CFAP20DC: variants seen among roughly 807,000 people sequenced by gnomAD.
CFAP20DC encodes the protein CFAP20 domain containing, also known as protein CFAP20DC.
Under a neutral mutation model 101.7 loss-of-function variants are expected in CFAP20DC, and 84 were observed. The observed-to-expected ratio is 0.83, with a 90% CI of 0.69 to 0.99. The LOEUF (loss-of-function observed/expected upper bound fraction) is 0.99, where lower values mean the gene tolerates loss of function less well. CFAP20DC is among the 50% of genes least tolerant of loss of function. The probability of loss-of-function intolerance (pLI) is 0.00; values close to 1 mark genes in which losing one functional copy is unlikely to be tolerated. For synonymous variants in CFAP20DC, 359 were observed against 351.2 expected (o/e 1.02, Z -0.25); for missense variants, 1,007 against 970.3 (o/e 1.04, Z -0.50).
chr3:59,047,031 C>T (rs755149898), intron 2 of CFAP20DC, 134 bp downstream of exon 2: 9 of 633,992 alleles, frequency 1.4e-5, no homozygotes, highest in Non-Finnish European at 2.2e-5. Flanking sequence ...CAGCTGCAGC[C>T]AACAATGTCA....
In CFAP20DC at chr3:58,788,845, C is replaced by G. The variant is rs1007618824; in HGVS notation, c.2237+17550G>C. 2.6e-5 allele frequency among the ~76,000 whole-genome samples: 4 copies of G among 152,092 alleles called. No homozygotes were observed. The highest frequency in any genetic ancestry group is 1.3e-4 in the Admixed American group (2 of 15,256). ...AGCAGGGATTAAATAAACTAGTCAT[C>G]CCTCAGTAGGAGTGGGGATTAGGTT... On this transcript the variant is annotated intron_variant, in intron 15 of 16. Transcript: ENST00000482387. This position sits in a 1 kb window ranked among gnomAD's most constrained non-coding sequence, Gnocchi z 4.2.
intron 14 of CFAP20DC, among the ~76,000 whole-genome samples, chr3:58,806,755 C>T (rs777377357): frequency 3.3e-5 from 5 of 152,236 alleles, no homozygotes; most frequent in African/African-American, 1.2e-4. Context: ...CGAGCCGAAG[C>T]AGGGCGAAGC....
chr3:58,740,463 T>C (rs1028893216), downstream of CFAP20DC, among the ~76,000 whole-genome samples: 1 of 152,158 alleles, frequency 6.6e-6, no homozygotes, highest in African/African-American at 2.4e-5. This position sits in a 1 kb window ranked among gnomAD's most constrained non-coding sequence, Gnocchi z 4.6. Flanking sequence ...TGTTGGTTGC[T>C]GCTATAGGGA....
At chr3:59,008,093 T>C (rs1440207537) in intron 4 of CFAP20DC, among the ~76,000 whole-genome samples, 1 of 152,108 alleles carries the variant, frequency 6.6e-6, no homozygotes, top group African/African-American at 2.4e-5. Context: ...ATAGACAGCC[T>C]TTCTGGAAAA....
At chr3:58,975,443 A>T (rs892018171) in intron 4 of CFAP20DC, among the ~76,000 whole-genome samples, 4 of 152,208 alleles carry the variant, frequency 2.6e-5, no homozygotes, top group African/African-American at 9.6e-5. Flanking sequence ...AAATCATAAG[A>T]CTATGTGTAG....
chr3:58,805,472 T>C (rs1455562109), intron 15 of CFAP20DC, among the ~76,000 whole-genome samples: 1 of 152,222 alleles, frequency 6.6e-6, no homozygotes, highest in Admixed American at 6.5e-5. Flanking sequence ...CCTATCTCTT[T>C]CTGTCTTTTA....
intron 4 of CFAP20DC, chr3:58,992,748 G>T: frequency 6.1e-6 from 1 of 163,030 alleles, no homozygotes; most frequent in Non-Finnish European, 1.3e-5. Context: ...ATAATTTGTT[G>T]CTCTTACTGC....
chr3:58,836,792 T>C (rs908458214), intron 13 of CFAP20DC, among the ~76,000 whole-genome samples: 5 of 152,158 alleles, frequency 3.3e-5, no homozygotes, highest in Non-Finnish European at 7.3e-5. Flanking sequence ...AGTGTAACTT[T>C]TTAAAAAAGC....
chr3:58,898,322 G>T (rs979541648), intron 6 of CFAP20DC, among the ~76,000 whole-genome samples: 2 of 151,932 alleles, frequency 1.3e-5, no homozygotes, highest in African/African-American at 4.8e-5. Flanking sequence ...CTACGTAAGC[G>T]CATCAGCATG....
Position 58,869,573 on chromosome 3 carries a change from T to G in CFAP20DC, c.853-83A>C, listed in dbSNP as rs184778010. On this transcript the variant is annotated intron_variant, in intron 8 of 16. Transcript: ENST00000482387. The surrounding 1 kb of genome is among the most constrained non-coding windows in gnomAD (Gnocchi z 4.3). ...GAAGCTATATAGAAAACATAATATT[T>G]GGACCAATGAAGAGTGAGAAAAAAA... 1,386 of 1,139,608 alleles carry G rather than the reference T, an allele frequency of 1.2e-3. No individual in the cohort carries two copies. The highest frequency in any genetic ancestry group is 1.1e-3 in the Non-Finnish European group (943 of 828,528). 70.6% of individuals were successfully genotyped at this position (1,139,608 alleles called of 1,614,324 possible).
intron 6 of CFAP20DC, among the ~76,000 whole-genome samples, chr3:58,885,316 A>G (rs2081535673): frequency 6.6e-6 from 1 of 152,058 alleles, no homozygotes; most frequent in Non-Finnish European, 1.5e-5. Context: ...TCATTCATGT[A>G]TATTTATATG....
rs948054731 is a variant in CFAP20DC at position 58,853,333 on chromosome 3, CAAT to C, written c.1594-3927_1594-3925del. The stretch of plus-strand genomic sequence containing the variant: ...CCAATAACAGGCTCTGAAATTGTGG[CAAT>C]AATCAATAGCTTACCAACCAAAAAG... On this transcript the variant is annotated intron_variant, in intron 12 of 16. Coordinates refer to ENST00000482387, the MANE Select transcript of CFAP20DC (RefSeq NM_001394063.1). Among the ~76,000 whole-genome samples, 40 of 152,222 alleles carry C rather than the reference CAAT, an allele frequency of 2.6e-4. 1 individual carries two copies. The highest frequency in any genetic ancestry group is 2.2e-3 in the Admixed American group (34 of 15,284).
chr3:58,842,636 G>A (rs1010695511), intron 13 of CFAP20DC, among the ~76,000 whole-genome samples: 2 of 152,362 alleles, frequency 1.3e-5, no homozygotes, highest in Admixed American at 6.5e-5. Flanking sequence ...AAGCAGCCAG[G>A]AAGCTCTAAC....
chr3:58,880,277 GT>G (rs2081133536), intron 7 of CFAP20DC, among the ~76,000 whole-genome samples: 2 of 152,076 alleles, frequency 1.3e-5, no homozygotes. Context: ...TCATATGTAG[GT>G]AACTATCTTT....
chr3:58,954,841 T>A (rs1240076988), intron 4 of CFAP20DC, among the ~76,000 whole-genome samples: 1 of 152,182 alleles, frequency 6.6e-6, no homozygotes, highest in Non-Finnish European at 1.5e-5. Flanking sequence ...TTTACACCTA[T>A]GATTTTAAAT....
At chr3:58,921,739 T>C (rs1393395553) in intron 5 of CFAP20DC, among the ~76,000 whole-genome samples, 1 of 152,218 alleles carries the variant, frequency 6.6e-6, no homozygotes, top group Non-Finnish European at 1.5e-5. Flanking sequence ...ATAGGTCAGA[T>C]TGGTAGTGTT....
At chr3:59,037,438 A>T (rs768822941) in intron 4 of CFAP20DC, among the ~76,000 whole-genome samples, 2 of 151,988 alleles carry the variant, frequency 1.3e-5, no homozygotes, top group Non-Finnish European at 2.9e-5. Flanking sequence ...TTTACAATAA[A>T]AAAAAAAAAA....
At chr3:58,985,469 C>T (rs1167143276) in intron 4 of CFAP20DC, among the ~76,000 whole-genome samples, 1 of 152,100 alleles carries the variant, frequency 6.6e-6, no homozygotes, top group African/African-American at 2.4e-5. Context: ...ATGTTATCTT[C>T]CTAATTCATA....
At chr3:58,761,587 T>C (rs2069601826) in intron 15 of CFAP20DC, among the ~76,000 whole-genome samples, 1 of 152,212 alleles carries the variant, frequency 6.6e-6, no homozygotes, top group African/African-American at 2.4e-5. Flanking sequence ...AGCTTTTGAA[T>C]GTGTTTGCTC....
Sources: allele counts gnomAD v4.1 joint callset (sites outside exome capture counted in the v4.1 genomes callset), GRCh38; gene constraint gnomAD v4.1.1; non-coding constraint Gnocchi (gnomAD v3.1); transcripts MANE v1.5; gene names NCBI Gene and HGNC (gene_info 2026-07-23, HGNC 2026-07-21).